The following FBXO33 variants were observed in gnomAD, a reference collection of about 807,000 sequenced individuals.
FBXO33 encodes the protein F-box only protein 33.
Under a neutral mutation model 46.3 loss-of-function variants are expected in FBXO33, and 22 were observed. The ratio of observed to expected loss-of-function variants is 0.48; its 90% CI spans 0.34 to 0.68. The LOEUF (loss-of-function observed/expected upper bound fraction) is 0.68. Ranked by LOEUF, FBXO33 falls within the 30% of genes least tolerant of loss-of-function variation. The pLI, the probability that FBXO33 is intolerant of heterozygous loss-of-function variation, is 0.01. For synonymous variants in FBXO33, 337 were observed against 291.3 expected (o/e 1.16, Z -1.60); for missense variants, 692 against 708.8 (o/e 0.98, Z 0.27).
intron 1 of FBXO33, among the ~76,000 whole-genome samples, chr14:39,428,159 T>C (rs1326365773): frequency 6.6e-6 from 1 of 152,090 alleles, no homozygotes; most frequent in Non-Finnish European, 1.5e-5. Flanking sequence ...AAAAAGAAAA[T>C]CAATCTTGTA....
In FBXO33 at chr14:39,401,458, C is replaced by G. The variant is rs2075368253; in HGVS notation, c.1114G>C (p.Val372Leu). The change falls in exon 3 of 4, where the codon GTC becomes CTC. Residue 372 changes from valine to leucine, a missense_variant. Coordinates refer to ENST00000298097, the MANE Select transcript of FBXO33 (RefSeq NM_203301.4). Reference sequence around the variant, plus strand: ...TTGATATCAAAAGCCATTATATAGACCCGAAAGCTGGTGCTCTTTCGTGAC... The same window carrying G: ...TTGATATCAAAAGCCATTATATAGAGCCGAAAGCTGGTGCTCTTTCGTGAC... ...ALSRKSTSFR[V>L]YIMAFDIKSE... The G allele has an allele frequency of 6.2e-7, 1 of 1,613,996 alleles. No homozygotes were observed. Among genetic ancestry groups the G allele is most frequent in the East Asian group, 2.2e-5 (1 of 44,892 alleles).
intron 1 of FBXO33, among the ~76,000 whole-genome samples, chr14:39,405,184 C>G (rs1008447149): frequency 6.7e-6 from 1 of 149,990 alleles, no homozygotes; most frequent in African/African-American, 2.5e-5. Context: ...GAAAATGTTA[C>G]TGTGGCATTA....
chr14:39,431,505 G>C, intron 1 of FBXO33, 59 bp downstream of exon 1: 1 of 1,599,916 alleles, frequency 6.3e-7, no homozygotes, highest in Non-Finnish European at 8.5e-7. Context: ...TCTGTGTCGG[G>C]GTGCGGGGAC....
At position 39,399,621 on chromosome 14, in the gene FBXO33, C is replaced by A; in HGVS notation, c.1563G>T (p.Leu521=). 1 of 1,613,916 alleles carries A rather than the reference C, an allele frequency of 6.2e-7. No homozygotes were observed. The highest frequency in any genetic ancestry group is 2.2e-5 in the East Asian group (1 of 44,886). The stretch of plus-strand genomic sequence containing the variant: ...CCATGACTGCATGCCAAGGTTGACC[C>A]AGGCCCAGGGATACCTGCTCAATAA... The part of the protein sequence containing the change: ...HNLIEQVSLG[L]GQPWHAVMDI... Residue 521 remains leucine, a synonymous_variant, in exon 4 of 4, where the codon CTG becomes CTT. Coordinates refer to ENST00000298097, the MANE Select transcript of FBXO33 (RefSeq NM_203301.4).
intron 1 of FBXO33, 109 bp downstream of exon 1, chr14:39,431,455 G>A (rs1474170240): frequency 3.9e-6 from 6 of 1,547,810 alleles, no homozygotes; most frequent in Non-Finnish European, 5.2e-6. Flanking sequence ...CACTGAGGAA[G>A]GCAACACTGA....
intron 1 of FBXO33, among the ~76,000 whole-genome samples, chr14:39,417,807 G>C (rs565399867): frequency 2.6e-5 from 4 of 152,246 alleles, no homozygotes; most frequent in Admixed American, 2.6e-4. Context: ...GGGATTACAG[G>C]CGTGAGCCAC....
At chr14:39,400,839 C>T (rs901018078) in intron 3 of FBXO33, among the ~76,000 whole-genome samples, 3 of 152,182 alleles carry the variant, frequency 2.0e-5, no homozygotes, top group African/African-American at 4.8e-5. Flanking sequence ...TCTTCCCCCG[C>T]ACTATGTTTT....
Position 39,401,605 on chromosome 14 carries a change from C to G in FBXO33, c.967G>C (p.Ala323Pro). ...LDFCDFTAEM[A>P]RVLTDSNHVP... Reference sequence around the variant, plus strand: ...TGGTTGCTATCAGTTAAGACTCTTGCCATCTCAGCTGTAAAGTCACAAAAA... The same window carrying G: ...TGGTTGCTATCAGTTAAGACTCTTGGCATCTCAGCTGTAAAGTCACAAAAA... Residue 323 changes from alanine to proline, a missense_variant, in exon 3 of 4, where the codon GCA (alanine) becomes CCA (proline). Ala to Pro is a conservative substitution (Grantham distance 27, BLOSUM62 -1). Transcript: ENST00000298097. 1 of 1,614,116 alleles carries G rather than the reference C, an allele frequency of 6.2e-7. No individual in the cohort carries two copies. The highest frequency in any genetic ancestry group is 8.5e-7 in the Non-Finnish European group (1 of 1,179,988).
chr14:39,409,110 T>C (rs1185153157), intron 1 of FBXO33, among the ~76,000 whole-genome samples: 1 of 152,156 alleles, frequency 6.6e-6, no homozygotes, highest in African/African-American at 2.4e-5. Context: ...CACTTGCCTA[T>C]TTTTGGTTCT....
rs753850358 is a variant in FBXO33 at position 39,431,845 on chromosome 14, G to A, written c.318C>T (p.Ala106=). ...SHWRECLFYP[A]LWPQLRICLR... The stretch of plus-strand genomic sequence containing the variant: ...GGCAGATGCGGAGCTGGGGCCACAG[G>A]GCCGGATAGAAGAGGCACTCACGCC... The change falls in exon 1 of 4, where the codon GCC becomes GCT. Residue 106 remains alanine, a synonymous_variant. Transcript: ENST00000298097. 1.2e-5 allele frequency: 19 copies of A among 1,600,964 alleles called. No homozygotes were observed. The highest frequency in any genetic ancestry group is 1.3e-5 in the Non-Finnish European group (15 of 1,176,910).
chr14:39,401,649 A>G lies in FBXO33; in HGVS notation c.923T>C (p.Leu308Pro). 3 of 1,614,234 alleles carry G rather than the reference A, an allele frequency of 1.9e-6. No homozygotes were observed. Among genetic ancestry groups the G allele is most frequent in the Non-Finnish European group, 2.5e-6 (3 of 1,180,026 alleles). ...TAVELERFVN[L>P]HSLALDFCDF... is the part of the protein sequence containing the mutation. Reference sequence around the variant, plus strand: ...ACAAAAATCCAAGGCAAGTGAGTGCAGATTCACAAATCGCTCCAGTTCAAC... The same window carrying G: ...ACAAAAATCCAAGGCAAGTGAGTGCGGATTCACAAATCGCTCCAGTTCAAC... Residue 308 changes from leucine to proline, a missense_variant, in exon 3 of 4, where the codon CTG becomes CCG. Leu to Pro is a moderately conservative substitution (Grantham distance 98, BLOSUM62 -3). Transcript: ENST00000298097.
chr14:39,424,851 G>C (rs886441626), intron 1 of FBXO33, among the ~76,000 whole-genome samples: 17 of 152,120 alleles, frequency 1.1e-4, no homozygotes, highest in African/African-American at 3.9e-4. Context: ...TTGGGAGATT[G>C]AGACCATCCT....
intron 1 of FBXO33, among the ~76,000 whole-genome samples, chr14:39,424,508 T>TA (rs1027982436): frequency 6.6e-6 from 1 of 152,108 alleles, no homozygotes; most frequent in African/African-American, 2.4e-5. Flanking sequence ...TAAAAAAAAT[T>TA]AAAGTCTATT....
chr14:39,402,336 A>T (rs1214856894), intron 2 of FBXO33, 65 bp downstream of exon 2: 2 of 916,706 alleles, frequency 2.2e-6, no homozygotes, highest in Non-Finnish European at 3.2e-6. Flanking sequence ...TTTGTATCTC[A>T]TAATTTCTTA....
At chr14:39,419,171 T>A (rs2075466535) in intron 1 of FBXO33, among the ~76,000 whole-genome samples, 1 of 152,220 alleles carries the variant, frequency 6.6e-6, no homozygotes, top group East Asian at 1.9e-4. Flanking sequence ...TGATATTTCT[T>A]GTAATTAACC....
intron 1 of FBXO33, among the ~76,000 whole-genome samples, chr14:39,404,238 T>C (rs1228964828): frequency 6.6e-6 from 1 of 152,218 alleles, no homozygotes; most frequent in Non-Finnish European, 1.5e-5. Context: ...GATTCAGTGC[T>C]GTGAAGGACA....
At chr14:39,419,004 A>G (rs890740994) in intron 1 of FBXO33, among the ~76,000 whole-genome samples, 4 of 152,222 alleles carry the variant, frequency 2.6e-5, no homozygotes, top group African/African-American at 9.6e-5. Context: ...CTTTCCCTAT[A>G]TATGTAATGA....
In FBXO33 at chr14:39,429,239, T is replaced by C. The variant is rs543137347; in HGVS notation, c.599+2325A>G. On this transcript the variant is annotated intron_variant, in intron 1 of 3. Transcript: ENST00000298097. ...AACAGTCTGAATTGTATGAACTGTA[T>C]AAAGGAATTCAGCACAAAGCCTGGA... Among the ~76,000 whole-genome samples, 3 of 152,288 alleles carry C rather than the reference T, an allele frequency of 2.0e-5. No homozygotes were observed. The South Asian group carries it at 6.2e-4, about 32-fold the overall frequency.
chr14:39,424,018 T>C (rs897367051), intron 1 of FBXO33, among the ~76,000 whole-genome samples: 1 of 152,230 alleles, frequency 6.6e-6, no homozygotes, highest in Admixed American at 6.5e-5. Flanking sequence ...GTGTACTCAA[T>C]GTTTAGCTCC....
Sources: allele counts gnomAD v4.1 joint callset (sites outside exome capture counted in the v4.1 genomes callset), GRCh38; gene constraint gnomAD v4.1.1; transcripts MANE v1.5; gene names NCBI Gene and HGNC (gene_info 2026-07-23, HGNC 2026-07-21).